The following SLC5A12 variants were observed in gnomAD, a reference collection of about 807,000 sequenced individuals.
The protein encoded by SLC5A12 is solute carrier family 5 member 12.
SLC5A12 carries 46 observed loss-of-function variants against 72.7 expected under a neutral mutation model. The ratio of observed to expected loss-of-function variants is 0.63; its 90% CI spans 0.50 to 0.81. The LOEUF is 0.81. Ranked by LOEUF, SLC5A12 falls within the 30% of genes least tolerant of loss-of-function variation. SLC5A12 has a pLI of 0.00. For missense variants in SLC5A12, 683 were observed against 740.7 expected, an observed-to-expected ratio of 0.92 and a Z score of 0.90; for synonymous variants, 275 against 264.4, an observed-to-expected ratio of 1.04 and a Z score of -0.39.
At position 26,668,699 on chromosome 11, in the gene SLC5A12, TAAG is replaced by T. The variant is rs1026393374; in HGVS notation, c.*2400_*2402del. ...CTAGATTTATGCATGTTTGTTCAAT[TAAG>T]AAGAATGGGGGGAGTCTCTACATTG... On this transcript the variant is annotated 3_prime_UTR_variant, in exon 15 of 15. Coordinates refer to ENST00000396005, the MANE Select transcript of SLC5A12 (RefSeq NM_178498.4). 6.6e-6 allele frequency: 1 copy of T among 152,014 alleles called. No individual in the cohort carries two copies. The highest frequency in any genetic ancestry group is 1.5e-5 in the Non-Finnish European group (1 of 67,978). 9.4% of individuals were successfully genotyped at this position (152,014 alleles called of 1,614,324 possible).
intron 6 of SLC5A12, among the ~76,000 whole-genome samples, chr11:26,699,382 C>T (rs2133187421): frequency 6.6e-6 from 1 of 152,270 alleles, no homozygotes; most frequent in South Asian, 2.1e-4. Flanking sequence ...ACGTTTATTT[C>T]AAAATCCTCT....
In SLC5A12 at chr11:26,680,405, A is replaced by ATG. The variant is rs1349475977; in HGVS notation, c.1475+649_1475+650insCA. Among the ~76,000 whole-genome samples, 261 of 85,456 alleles carry ATG rather than the reference A, an allele frequency of 3.1e-3. 33 individuals are homozygous for ATG. The highest frequency in any genetic ancestry group is 0.014 in the East Asian group (41 of 2,846). The allele number at this position is 85,456 out of a possible 152,430, so 56.1% of individuals were successfully genotyped here. ...TATGTATATATATTCATATATATAT[A>ATG]TATATTTCCTCATTTTTCCATCAAG... On this transcript the variant is annotated intron_variant, in intron 12 of 14. Coordinates refer to ENST00000396005, the MANE Select transcript of SLC5A12 (RefSeq NM_178498.4).
intron 14 of SLC5A12, among the ~76,000 whole-genome samples, chr11:26,672,876 T>C (rs1165690099): frequency 6.6e-6 from 1 of 152,154 alleles, no homozygotes; most frequent in Non-Finnish European, 1.5e-5. Flanking sequence ...CACCATGACC[T>C]TGCTTTACGT....
At chr11:26,719,202 TA>T (rs1330987483) in intron 1 of SLC5A12, among the ~76,000 whole-genome samples, 3 of 152,248 alleles carry the variant, frequency 2.0e-5, no homozygotes, top group Non-Finnish European at 4.4e-5. Context: ...TTATTTCATT[TA>T]ATTTCTGGAA....
At chr11:26,709,544 T>A (rs771809075) in intron 3 of SLC5A12, among the ~76,000 whole-genome samples, 165 bp from the exon 4 acceptor site, 16 of 152,136 alleles carry the variant, frequency 1.1e-4, no homozygotes, top group Non-Finnish European at 2.1e-4. Context: ...CGAGAAAGAT[T>A]ATTTTTATTA....
chr11:26,695,518 G>A (rs1438648012), intron 8 of SLC5A12, among the ~76,000 whole-genome samples: 3 of 152,048 alleles, frequency 2.0e-5, no homozygotes, highest in African/African-American at 7.2e-5. Context: ...ACCTTTTTGA[G>A]AATGATGTTA....
At chr11:26,686,595 C>A (rs1854541227) in intron 9 of SLC5A12, 51 bp from the exon 10 acceptor site, 2 of 1,534,998 alleles carry the variant, frequency 1.3e-6, no homozygotes, top group African/African-American at 1.4e-5. Context: ...TTCCTGACTT[C>A]AAGGGATGCC....
At position 26,703,443 on chromosome 11, in the gene SLC5A12, C is replaced by CACAA; in HGVS notation, c.821+87_821+88insTTGT. 33 of 1,380,692 alleles carry CACAA rather than the reference C, an allele frequency of 2.4e-5. No individual in the cohort carries two copies. In the South Asian group the frequency reaches 3.9e-4, roughly 16 times the overall value. The allele number at this position is 1,380,692 out of a possible 1,614,324, so 85.5% of individuals were successfully genotyped here. A position where few individuals can be genotyped will look rare whatever the true frequency, so the allele number is the denominator to read the frequency against. Reference sequence around the variant, plus strand: ...ACATACATACACACACACACACACACACACCCCCCAAGAGGAAGTATTAAT... The same window carrying CACAA: ...ACATACATACACACACACACACACACACAAACACCCCCCAAGAGGAAGTATTAAT... On this transcript the variant is annotated intron_variant, in intron 6 of 14. Coordinates refer to ENST00000396005, the MANE Select transcript of SLC5A12 (RefSeq NM_178498.4).
At chr11:26,683,341 T>C (rs1320237583) in intron 11 of SLC5A12, among the ~76,000 whole-genome samples, 1 of 152,206 alleles carries the variant, frequency 6.6e-6, no homozygotes, top group East Asian at 1.9e-4. Flanking sequence ...AGTTAATTAA[T>C]TTAATAAAGT....
intron 12 of SLC5A12, among the ~76,000 whole-genome samples, chr11:26,680,306 T>TATATATATGAATATATATTC (rs1565185557): frequency 4.7e-5 from 1 of 21,310 alleles, no homozygotes; most frequent in Admixed American, 5.5e-4. Context: ...TATATATTCA[T>TATATATATGAATATATATTC]ATATATATAT....
At chr11:26,712,734 T>C (rs1373971733) in intron 1 of SLC5A12, 28 bp from the exon 2 acceptor site, 3 of 1,546,416 alleles carry the variant, frequency 1.9e-6, no homozygotes, top group Admixed American at 1.7e-5. Flanking sequence ...ACATGCAGAG[T>C]CAGTGAGGTT....
At chr11:26,676,876 A>C (rs1028473974) in intron 13 of SLC5A12, among the ~76,000 whole-genome samples, 1 of 152,018 alleles carries the variant, frequency 6.6e-6, no homozygotes, top group African/African-American at 2.4e-5. Context: ...GAGGTGCCGT[A>C]TTTTATCTGG....
chr11:26,689,890 C>G (rs1458875430), intron 9 of SLC5A12, among the ~76,000 whole-genome samples: 2 of 151,674 alleles, frequency 1.3e-5, no homozygotes, highest in Admixed American at 1.3e-4. Context: ...TGAGAGATCA[C>G]AATAAAGTTT....
intron 4 of SLC5A12, among the ~76,000 whole-genome samples, chr11:26,708,555 T>G (rs1855144961): frequency 6.6e-6 from 1 of 152,046 alleles, no homozygotes; most frequent in Non-Finnish European, 1.5e-5. Context: ...AATATATTAA[T>G]TTTTTATTTT....
intron 6 of SLC5A12, among the ~76,000 whole-genome samples, chr11:26,699,465 T>A (rs933051126): frequency 6.6e-6 from 1 of 152,206 alleles, no homozygotes; most frequent in Non-Finnish European, 1.5e-5. Context: ...ATAAGGCAAA[T>A]ACGCCAGATA....
chr11:26,708,736 T>C (rs1855149921), intron 4 of SLC5A12, among the ~76,000 whole-genome samples: 3 of 152,050 alleles, frequency 2.0e-5, no homozygotes, highest in Admixed American at 2.0e-4. Context: ...CTATATATAA[T>C]TGTATTAATT....
In SLC5A12 at chr11:26,711,437, C is replaced by T. The variant is rs530516642; in HGVS notation, c.406-79G>A. On this transcript the variant is annotated intron_variant, in intron 2 of 14. Coordinates refer to ENST00000396005, the MANE Select transcript of SLC5A12 (RefSeq NM_178498.4). ...AACTGCCTAGAAAGTTCTTTATCGA[C>T]GTTAGACTTGTATTCTCTTCAACTT... The T allele has an allele frequency of 1.5e-4, 159 of 1,077,996 alleles. 1 individual carries two copies. Among genetic ancestry groups the T allele is most frequent in the Admixed American group, 5.5e-4 (29 of 52,620 alleles). The allele number at this position is 1,077,996 out of a possible 1,614,324, so 66.8% of individuals were successfully genotyped here.
At chr11:26,707,663 TA>T (rs1489018093) in intron 4 of SLC5A12, among the ~76,000 whole-genome samples, 1 of 152,078 alleles carries the variant, frequency 6.6e-6, no homozygotes, top group Non-Finnish European at 1.5e-5. Flanking sequence ...ATTCTTTATT[TA>T]TTTCAGTTGT....
chr11:26,702,323 G>T (rs1467814341), intron 6 of SLC5A12, among the ~76,000 whole-genome samples: 1 of 152,122 alleles, frequency 6.6e-6, no homozygotes, highest in African/African-American at 2.4e-5. Flanking sequence ...GAACATTACA[G>T]TTCTCCTTTT....
Sources: allele counts gnomAD v4.1 joint callset (sites outside exome capture counted in the v4.1 genomes callset), GRCh38; gene constraint gnomAD v4.1.1; transcripts MANE v1.5; gene names NCBI Gene and HGNC (gene_info 2026-07-23, HGNC 2026-07-21).